Variants in ACYP2 observed in about 807,000 individuals in gnomAD.
ACYP2 encodes acylphosphatase 2, also known as acylphosphatase-2.
A neutral mutation model predicts 11.2 loss-of-function variants in ACYP2; 12 were observed. The ratio of observed to expected loss-of-function variants is 1.08; its 90% CI spans 0.69 to 1.74. The LOEUF (loss-of-function observed/expected upper bound fraction) is 1.74, where lower values mean the gene tolerates loss of function less well. Among genes scored for constraint, ACYP2 ranks in the 40% most tolerant of loss-of-function variants. The pLI is 0.00. For missense variants in ACYP2, 134 were observed against 101.9 expected (o/e 1.31, Z -1.35); for synonymous variants, 43 against 32.2 (o/e 1.33, Z -1.13).
At chr2:54,016,780 C>T (rs1215467077) in intron 2 of ACYP2, among the ~76,000 whole-genome samples, 6 of 145,606 alleles carry the variant, frequency 4.1e-5, no homozygotes, top group African/African-American at 1.5e-4. Flanking sequence ...GGCTGGAGTG[C>T]AGTGGCACGA....
chr2:53,974,136 G>A (rs1363819519), intron 2 of ACYP2, among the ~76,000 whole-genome samples: 5 of 151,400 alleles, frequency 3.3e-5, no homozygotes, highest in Non-Finnish European at 5.9e-5. Context: ...GGCTGGTCTC[G>A]AACTCCTGAC....
intron 2 of ACYP2, among the ~76,000 whole-genome samples, chr2:54,039,207 A>G (rs949032665): frequency 2.1e-5 from 3 of 145,738 alleles, no homozygotes; most frequent in Non-Finnish European, 4.5e-5. Flanking sequence ...TACTAAAAAT[A>G]TCTTTGGAAG....
intron 2 of ACYP2, among the ~76,000 whole-genome samples, chr2:54,012,119 C>T (rs1456003029): frequency 1.3e-5 from 2 of 151,900 alleles, no homozygotes; most frequent in Non-Finnish European, 2.9e-5. Flanking sequence ...GCCTGTAGTC[C>T]CAGCTACTCA....
chr2:54,052,139 A>T (rs1159863150), intron 3 of ACYP2, among the ~76,000 whole-genome samples: 1 of 152,096 alleles, frequency 6.6e-6, no homozygotes, highest in Non-Finnish European at 1.5e-5. Flanking sequence ...GAAGATGAAG[A>T]AGATGATGAT....
At chr2:53,975,377 T>C in intron 2 of ACYP2, 1 of 397,884 alleles carries the variant, frequency 2.5e-6, no homozygotes, top group Non-Finnish European at 4.4e-6. Context: ...GAGAACACTA[T>C]TGAAATGCTT....
intron 4 of ACYP2, among the ~76,000 whole-genome samples, chr2:54,125,278 A>G (rs1558548170): frequency 6.6e-6 from 1 of 152,126 alleles, no homozygotes; most frequent in African/African-American, 2.4e-5. Context: ...TGTTATGTAT[A>G]TACTATGTGT....
chr2:53,994,342 A>C (rs1333417163), intron 2 of ACYP2, among the ~76,000 whole-genome samples: 7 of 149,096 alleles, frequency 4.7e-5, no homozygotes, highest in Non-Finnish European at 8.9e-5. Flanking sequence ...AAAAAAAAAA[A>C]AAAAAAAAAA....
chr2:54,057,179 G>T (rs58851686), intron 3 of ACYP2: 47,725 of 395,500 alleles, frequency 0.12, 3,483 homozygotes, highest in East Asian at 0.3. Context: ...TATGCAACCT[G>T]CCCTTGGGGT....
chr2:54,219,901 ATATAT>A (rs1408190079), intron 6 of ACYP2, among the ~76,000 whole-genome samples: 23 of 107,940 alleles, frequency 2.1e-4, no homozygotes, highest in African/African-American at 7.2e-4. Flanking sequence ...ATATATATAT[ATATAT>A]TTTTTTTTTT....
intron 4 of ACYP2, among the ~76,000 whole-genome samples, chr2:54,075,227 A>G (rs529056074): frequency 4.3e-4 from 65 of 152,326 alleles, no homozygotes; most frequent in African/African-American, 1.5e-3. Flanking sequence ...GGCCAGGAAC[A>G]GTGGCTCATG....
chr2:54,117,105 C>T (rs549812603), intron 4 of ACYP2, among the ~76,000 whole-genome samples: 1 of 152,182 alleles, frequency 6.6e-6, no homozygotes, highest in South Asian at 2.1e-4. Context: ...AAGAACCGAG[C>T]ATACTGACAT....
intron 2 of ACYP2, among the ~76,000 whole-genome samples, chr2:53,979,161 T>C (rs919906533): frequency 2.6e-5 from 4 of 152,126 alleles, no homozygotes; most frequent in Non-Finnish European, 5.9e-5. Flanking sequence ...ATGCGTGTTA[T>C]TGCCCTTGAA....
intron 2 of ACYP2, among the ~76,000 whole-genome samples, chr2:53,979,551 C>T (rs903553452): frequency 1.3e-5 from 2 of 150,680 alleles, no homozygotes; most frequent in South Asian, 4.2e-4. Flanking sequence ...CACTTGAACT[C>T]GGGAGGTGGA....
intron 2 of ACYP2, among the ~76,000 whole-genome samples, chr2:54,015,138 G>T (rs558982877): frequency 1.3e-5 from 2 of 151,264 alleles, no homozygotes; most frequent in African/African-American, 4.9e-5. Flanking sequence ...AGGCTGAGGC[G>T]GGCAGATCAC....
intron 6 of ACYP2, among the ~76,000 whole-genome samples, chr2:54,299,265 C>T (rs1038421970): frequency 6.6e-6 from 1 of 152,092 alleles, no homozygotes; most frequent in Non-Finnish European, 1.5e-5. Context: ...AAGATACCAA[C>T]GTCAGAGGCT....
At chr2:54,284,405 A>T (rs1688989480) in intron 6 of ACYP2, among the ~76,000 whole-genome samples, 1 of 151,732 alleles carries the variant, frequency 6.6e-6, no homozygotes, top group Non-Finnish European at 1.5e-5. Flanking sequence ...AGCATTTGCT[A>T]CCCTCAATTC....
At chr2:53,978,899 G>T (rs924104873) in intron 2 of ACYP2, among the ~76,000 whole-genome samples, 11 of 151,892 alleles carry the variant, frequency 7.2e-5, no homozygotes, top group African/African-American at 2.4e-4. Context: ...CTCCAGCCTG[G>T]ATGACAGAGT....
chr2:54,106,819 G>A (rs1034597377), intron 4 of ACYP2, among the ~76,000 whole-genome samples: 1 of 152,054 alleles, frequency 6.6e-6, no homozygotes, highest in African/African-American at 2.4e-5. Context: ...TCCTGACCTC[G>A]TGATCCGCCC....
At chr2:54,051,522 C>G (rs1339616447) in intron 3 of ACYP2, 2 of 725,424 alleles carry the variant, frequency 2.8e-6, no homozygotes, top group East Asian at 2.5e-5. Flanking sequence ...CTGTTCTGTT[C>G]TGAGAATTGC....
Sources: gnomAD v4.1 joint callset for allele counts (sites outside exome capture counted in the v4.1 genomes callset) on GRCh38, gnomAD v4.1.1 for gene constraint, MANE v1.5 for transcripts, NCBI Gene and HGNC (gene_info 2026-07-23, HGNC 2026-07-21) for gene names.